Variants in FTCDNL1 observed in about 807,000 individuals in gnomAD.
FTCDNL1 encodes the protein formiminotransferase cyclodeaminase N-terminal like, also known as formiminotransferase N-terminal subdomain-containing protein.
FTCDNL1 carries 11 observed loss-of-function variants against 5.9 expected under a neutral mutation model. That is an observed-to-expected ratio of 1.87 (90% confidence interval 1.18 to 3.10). The LOEUF is 3.10. FTCDNL1 is among the 30% of genes most tolerant of loss of function. The pLI is 0.00. For missense variants in FTCDNL1, 115 were observed against 65.5 expected (o/e 1.76, Z -2.61); for synonymous variants, 58 against 24.8 (o/e 2.34, Z -3.99).
intron 4 of FTCDNL1, 92 bp downstream of exon 4, chr2:199,819,480 T>A: frequency 1.5e-6 from 1 of 659,218 alleles, no homozygotes. Flanking sequence ...CCCCTATAAC[T>A]CTTCCTGCAT....
chr2:199,751,022 A>C, the FTCDNL1 span, among the ~76,000 whole-genome samples: 3 of 152,308 alleles, frequency 2.0e-5, no homozygotes, highest in East Asian at 3.9e-4. Flanking sequence ...AAAGACCCTC[A>C]GTTGGGCCTC....
downstream of FTCDNL1, among the ~76,000 whole-genome samples, chr2:199,760,351 G>A (rs1698214582): frequency 1.3e-5 from 2 of 152,140 alleles, no homozygotes; most frequent in South Asian, 4.1e-4. Flanking sequence ...GCAGTTAACT[G>A]GAAAGAGGTT....
intron 3 of FTCDNL1, among the ~76,000 whole-genome samples, chr2:199,823,582 C>T (rs1484944565): frequency 2.0e-5 from 3 of 152,212 alleles, no homozygotes; most frequent in African/African-American, 4.8e-5. Context: ...TCCATCAGAG[C>T]TCTTGGGTGG....
the FTCDNL1 span, among the ~76,000 whole-genome samples, chr2:199,703,925 T>G: frequency 2.0e-5 from 3 of 152,124 alleles, no homozygotes; most frequent in African/African-American, 7.2e-5. Flanking sequence ...CATTTTTAGG[T>G]ATGGATGAAG....
At chr2:199,845,650 A>C (rs373094541) in intron 3 of FTCDNL1, among the ~76,000 whole-genome samples, 12 of 152,262 alleles carry the variant, frequency 7.9e-5, no homozygotes, top group African/African-American at 2.6e-4. Context: ...TGTCCCTATA[A>C]GACATGTCAA....
chr2:199,818,281 C>T (rs753389383), intron 4 of FTCDNL1: 3 of 152,196 alleles, frequency 2.0e-5, no homozygotes, highest in Non-Finnish European at 2.9e-5. Context: ...TGAGACAAAT[C>T]ATGGGAAAAT....
intron 3 of FTCDNL1, among the ~76,000 whole-genome samples, chr2:199,794,525 G>C (rs1485383166): frequency 2.0e-5 from 3 of 152,154 alleles, no homozygotes; most frequent in Non-Finnish European, 4.4e-5. Context: ...GAACAACTCA[G>C]CCATTCTCAT....
downstream of FTCDNL1, among the ~76,000 whole-genome samples, chr2:199,759,133 TTG>T (rs906184320): frequency 6.7e-6 from 1 of 149,456 alleles, no homozygotes; most frequent in Admixed American, 6.7e-5. Context: ...GTATATATAT[TTG>T]TGTGTGTATA....
intron 2 of FTCDNL1, 66 bp downstream of exon 2, chr2:199,848,782 C>G: frequency 1.5e-6 from 1 of 687,726 alleles, no homozygotes. Context: ...ACAGTGTGCA[C>G]AGTACAAAAA....
intron 3 of FTCDNL1, among the ~76,000 whole-genome samples, chr2:199,779,833 C>T (rs1699274260): frequency 6.6e-6 from 1 of 152,122 alleles, no homozygotes; most frequent in South Asian, 2.1e-4. Flanking sequence ...TGTCCTCGCT[C>T]CTAAGAAGAG....
At chr2:199,765,953 G>A (rs1160107452) in intron 3 of FTCDNL1, among the ~76,000 whole-genome samples, 1 of 151,982 alleles carries the variant, frequency 6.6e-6, no homozygotes, top group Non-Finnish European at 1.5e-5. Context: ...GTCACTGTTT[G>A]TTCTAACTAC....
chr2:199,825,180 A>C (rs1439857408), intron 3 of FTCDNL1, among the ~76,000 whole-genome samples: 8 of 152,048 alleles, frequency 5.3e-5, no homozygotes, highest in Non-Finnish European at 1.0e-4. Flanking sequence ...AAGATAAAAT[A>C]GTAATGAAAA....
the FTCDNL1 span, among the ~76,000 whole-genome samples, chr2:199,732,900 T>C: frequency 1.3e-5 from 2 of 152,304 alleles, no homozygotes; most frequent in Non-Finnish European, 2.9e-5. Context: ...CCATCACTAA[T>C]AATAATTCTT....
intron 3 of FTCDNL1, among the ~76,000 whole-genome samples, chr2:199,775,912 CTTTT>C (rs71019085): frequency 6.8e-5 from 8 of 117,732 alleles, no homozygotes; most frequent in East Asian, 2.7e-4. Context: ...GCAGGATCTC[CTTTT>C]TTTTTTTTTT....
downstream of FTCDNL1, among the ~76,000 whole-genome samples, chr2:199,759,880 A>G (rs1408096413): frequency 6.6e-6 from 1 of 152,204 alleles, no homozygotes; most frequent in Non-Finnish European, 1.5e-5. Flanking sequence ...ACATGGCCAC[A>G]CCATCCTAGC....
intron 3 of FTCDNL1, among the ~76,000 whole-genome samples, chr2:199,841,243 C>T (rs1357498168): frequency 6.6e-6 from 1 of 151,702 alleles, no homozygotes; most frequent in African/African-American, 2.4e-5. Context: ...GAAAACCAGC[C>T]AGATGCAGTG....
chr2:199,708,290 T>A, the FTCDNL1 span, among the ~76,000 whole-genome samples: 2 of 152,120 alleles, frequency 1.3e-5, no homozygotes, highest in Admixed American at 1.3e-4. Context: ...TTTTATATCA[T>A]CAATTCCTTT....
At chr2:199,695,585 C>A in the FTCDNL1 span, among the ~76,000 whole-genome samples, 1 of 152,214 alleles carries the variant, frequency 6.6e-6, no homozygotes, top group African/African-American at 2.4e-5. Context: ...ATGTGGTTGC[C>A]GAGCACCAGG....
At chr2:199,835,408 ATAAT>A (rs775677934) in intron 3 of FTCDNL1, among the ~76,000 whole-genome samples, 1 of 152,212 alleles carries the variant, frequency 6.6e-6, no homozygotes, top group African/African-American at 2.4e-5. Context: ...ATAATAAACG[ATAAT>A]TAATGATGCT....
Sources: allele counts gnomAD v4.1 joint callset (sites outside exome capture counted in the v4.1 genomes callset), GRCh38; gene constraint gnomAD v4.1.1; transcripts MANE v1.5; gene names NCBI Gene and HGNC (gene_info 2026-07-23, HGNC 2026-07-21).